The following FAF1 variants were observed in gnomAD, a reference collection of about 807,000 sequenced individuals.
FAF1 encodes FAS-associated factor 1.
Under a neutral mutation model 92.5 loss-of-function variants are expected in FAF1, and 25 were observed. That is an observed-to-expected ratio of 0.27 (90% confidence interval 0.20 to 0.38). The LOEUF is 0.38. Among genes scored for constraint, FAF1 ranks in the 10% least tolerant of loss-of-function variants. FAF1 has a pLI of 1.00. For missense variants in FAF1, 636 were observed against 793.3 expected (o/e 0.80, Z 2.38); for synonymous variants, 234 against 273.2 (o/e 0.86, Z 1.42).
intron 2 of FAF1, among the ~76,000 whole-genome samples, chr1:50,832,309 C>A (rs1434571088): frequency 6.6e-6 from 1 of 152,116 alleles, no homozygotes. Context: ...ACATTAGCAC[C>A]AGCAGCCTCA....
At chr1:50,674,887 A>G (rs1407983016) in intron 7 of FAF1, among the ~76,000 whole-genome samples, 1 of 151,116 alleles carries the variant, frequency 6.6e-6, no homozygotes, top group African/African-American at 2.4e-5. Flanking sequence ...ATTTTATTTT[A>G]TTTTATTTTA....
chr1:50,568,464 T>C (rs986193013), intron 12 of FAF1, among the ~76,000 whole-genome samples: 1 of 152,160 alleles, frequency 6.6e-6, no homozygotes, highest in Non-Finnish European at 1.5e-5. Flanking sequence ...ATAGTAATCA[T>C]CATTAAAATT....
At chr1:50,911,536 A>C (rs1249937348) in intron 1 of FAF1, among the ~76,000 whole-genome samples, 1 of 151,246 alleles carries the variant, frequency 6.6e-6, no homozygotes, top group African/African-American at 2.4e-5. Flanking sequence ...TCTCTACCAA[A>C]AAACACAAAA....
At chr1:50,826,031 A>C (rs1405189767) in intron 2 of FAF1, among the ~76,000 whole-genome samples, 1 of 152,210 alleles carries the variant, frequency 6.6e-6, no homozygotes, top group African/African-American at 2.4e-5. Context: ...GTTTGAGTGG[A>C]AATGTATAGC....
At chr1:50,666,832 G>T (rs990754551) in intron 7 of FAF1, among the ~76,000 whole-genome samples, 2 of 152,114 alleles carry the variant, frequency 1.3e-5, no homozygotes, top group African/African-American at 4.8e-5. Flanking sequence ...GCAGTGAGAC[G>T]AGGCCACACC....
chr1:50,668,971 T>C (rs1403585535), intron 7 of FAF1, among the ~76,000 whole-genome samples: 1 of 152,154 alleles, frequency 6.6e-6, no homozygotes, highest in African/African-American at 2.4e-5. Context: ...TGCCATAACC[T>C]GCTCTATTCA....
intron 7 of FAF1, among the ~76,000 whole-genome samples, chr1:50,667,012 C>T (rs1377572371): frequency 6.6e-6 from 1 of 152,202 alleles, no homozygotes; most frequent in Non-Finnish European, 1.5e-5. Flanking sequence ...ACAGTCTGTC[C>T]ACTTTGTACT....
intron 13 of FAF1, among the ~76,000 whole-genome samples, chr1:50,561,378 A>G (rs183854051): frequency 5.5e-4 from 83 of 152,276 alleles, no homozygotes; most frequent in African/African-American, 1.9e-3. Flanking sequence ...AGTACCATAT[A>G]TTAGTACCAT....
rs144462725 is a variant in FAF1 at position 50,613,736 on chromosome 1, T to C, written c.745-17520A>G. On this transcript the variant is annotated intron_variant, in intron 8 of 18. Transcript: ENST00000396153. ...TAAGTAATCACTCAATATACATGTGTTTATTTACTGGTTCTTATATATACA... is the reference window on the plus strand; with the variant it reads ...TAAGTAATCACTCAATATACATGTGCTTATTTACTGGTTCTTATATATACA... Among the ~76,000 whole-genome samples, 150 of 152,226 alleles carry C rather than the reference T, an allele frequency of 9.9e-4. 4 individuals are homozygous for C. Among genetic ancestry groups the C allele is most frequent in the Non-Finnish European group, 2.4e-4 (16 of 68,002 alleles).
At chr1:50,539,949 G>A (rs183039289) in intron 13 of FAF1, among the ~76,000 whole-genome samples, 21 of 152,122 alleles carry the variant, frequency 1.4e-4, no homozygotes, top group Admixed American at 7.2e-4. Flanking sequence ...AATGCTGTCT[G>A]GGGCTGACAG....
At chr1:50,468,200 C>T (rs144419281) in intron 18 of FAF1, among the ~76,000 whole-genome samples, 2 of 152,152 alleles carry the variant, frequency 1.3e-5, no homozygotes, top group African/African-American at 4.8e-5. Flanking sequence ...CAGAGTGAGA[C>T]TCTGTCTCAA....
chr1:50,877,511 T>C (rs981758019), intron 1 of FAF1, among the ~76,000 whole-genome samples: 1 of 152,138 alleles, frequency 6.6e-6, no homozygotes, highest in Non-Finnish European at 1.5e-5. Flanking sequence ...AAAAATATCA[T>C]ATATTATGTA....
At chr1:50,446,286 T>C (rs531416567) in intron 18 of FAF1, among the ~76,000 whole-genome samples, 9 of 152,330 alleles carry the variant, frequency 5.9e-5, no homozygotes, top group African/African-American at 1.2e-4. Flanking sequence ...TCTAGTCACA[T>C]CCTTCTGCCT....
rs559249399 is a variant in FAF1, at chr1:50,854,379, A to G, written c.114+3550T>C. ...AAATGGAAAATACTCATCTCAAGGG[A>G]GGAATCTCAGCTGTAATGACATTCA... On this transcript the variant is annotated intron_variant, in intron 2 of 18. Coordinates refer to ENST00000396153, the MANE Select transcript of FAF1 (RefSeq NM_007051.3). Among the ~76,000 whole-genome samples, 7 of 152,098 alleles carry G rather than the reference A, an allele frequency of 4.6e-5. No individual in the cohort carries two copies. In the South Asian group the frequency reaches 1.5e-3, roughly 32 times the overall value.
At chr1:50,490,182 A>G (rs948525774) in intron 17 of FAF1, among the ~76,000 whole-genome samples, 7 of 152,138 alleles carry the variant, frequency 4.6e-5, no homozygotes, top group African/African-American at 1.7e-4. Flanking sequence ...CAACATGGTG[A>G]AACCCTGTCT....
intron 1 of FAF1, among the ~76,000 whole-genome samples, chr1:50,903,555 T>A (rs991036403): frequency 5.3e-5 from 8 of 152,134 alleles, no homozygotes; most frequent in African/African-American, 1.2e-4. Context: ...CTAGCAAAAA[T>A]TCCAGTTTCA....
intron 12 of FAF1, among the ~76,000 whole-genome samples, chr1:50,567,976 T>C (rs1198742968): frequency 1.3e-5 from 2 of 152,150 alleles, no homozygotes; most frequent in African/African-American, 2.4e-5. Flanking sequence ...ATGTGTCTTC[T>C]GTCATAGTTG....
chr1:50,800,127 C>T (rs1661930693), intron 3 of FAF1, among the ~76,000 whole-genome samples: 1 of 152,108 alleles, frequency 6.6e-6, no homozygotes, highest in South Asian at 2.1e-4. Flanking sequence ...TATGAGAAAT[C>T]AGTTTAATAC....
intron 1 of FAF1, among the ~76,000 whole-genome samples, chr1:50,875,215 CA>C (rs1007089087): frequency 1.3e-5 from 2 of 151,654 alleles, no homozygotes; most frequent in Non-Finnish European, 2.9e-5. Context: ...TTATTTATTT[CA>C]TTTTATTTAT....
Sources: gnomAD v4.1 joint callset for allele counts (sites outside exome capture counted in the v4.1 genomes callset) on GRCh38, gnomAD v4.1.1 for gene constraint, MANE v1.5 for transcripts, NCBI Gene and HGNC (gene_info 2026-07-23, HGNC 2026-07-21) for gene names.